The following KAZN variants were observed in gnomAD, a reference collection of about 807,000 sequenced individuals.
The protein encoded by KAZN is kazrin.
KAZN carries 40 observed loss-of-function variants against 87.4 expected under a neutral mutation model. The observed-to-expected ratio is 0.46, with a 90% confidence interval of 0.36 to 0.60. The LOEUF (loss-of-function observed/expected upper bound fraction) is 0.60, where lower values mean the gene tolerates loss of function less well. KAZN is among the 20% of genes least tolerant of loss of function. The probability of loss-of-function intolerance (pLI) is 0.00; values close to 1 mark genes in which losing one functional copy is unlikely to be tolerated. For synonymous variants in KAZN, 466 were observed against 458.3 expected, an observed-to-expected ratio of 1.02 and a Z score of -0.22; for missense variants, 898 against 1,073.9, an observed-to-expected ratio of 0.84 and a Z score of 2.29.
intron 2 of KAZN, among the ~76,000 whole-genome samples, chr1:14,396,873 A>C (rs1288238166): frequency 6.6e-6 from 1 of 150,410 alleles, no homozygotes; most frequent in African/African-American, 2.4e-5. Context: ...TCTTTTTAAG[A>C]CAGATTCCAT....
At chr1:14,396,364 A>G (rs1323967971) in intron 2 of KAZN, among the ~76,000 whole-genome samples, 1 of 151,984 alleles carries the variant, frequency 6.6e-6, no homozygotes, top group Non-Finnish European at 1.5e-5. Flanking sequence ...GCTAGGGCAA[A>G]CCCAAGTCCC....
At chr1:14,833,948 T>C (rs1214276328) in intron 1 of KAZN, among the ~76,000 whole-genome samples, 3 of 150,984 alleles carry the variant, frequency 2.0e-5, no homozygotes, top group Non-Finnish European at 4.4e-5. Flanking sequence ...ACAAAAGGAC[T>C]CTGCTGTCCT....
rs562587777 is a variant in KAZN at position 14,434,928 on chromosome 1, TTGTC to T, written c.250-164052_250-164049del. 2.5e-4 allele frequency among the ~76,000 whole-genome samples: 38 copies of T among 152,180 alleles called. 1 individual carries two copies. Among genetic ancestry groups the T allele is most frequent in the Middle Eastern group, 6.8e-3 (2 of 294 alleles). On this transcript the variant is annotated intron_variant, in intron 2 of 16. Transcript: ENST00000636203. ...TTATCCACTGTGCTGCTGACACACT[TTGTC>T]TGAGGCTCTGTGCAAAGAGGTCTCA...
intron 2 of KAZN, among the ~76,000 whole-genome samples, chr1:14,329,880 A>T (rs1051427742): frequency 1.3e-5 from 2 of 152,234 alleles, no homozygotes; most frequent in African/African-American, 4.8e-5. Flanking sequence ...CACTTCTAGC[A>T]TGTTTTACAA....
At chr1:14,694,282 G>GTGC (rs1641481545) in intron 1 of KAZN, among the ~76,000 whole-genome samples, 1 of 152,264 alleles carries the variant, frequency 6.6e-6, no homozygotes, top group Non-Finnish European at 1.5e-5. Flanking sequence ...ACTGGCCAAG[G>GTGC]AAGGGTCAAT....
chr1:14,189,257 G>T (rs1230577091), intron 2 of KAZN, among the ~76,000 whole-genome samples: 1 of 152,242 alleles, frequency 6.6e-6, no homozygotes, highest in East Asian at 1.9e-4. Context: ...CAGCTTAGTA[G>T]CCCAGAGACT....
chr1:14,282,346 C>T (rs1652904239), intron 2 of KAZN, among the ~76,000 whole-genome samples: 1 of 152,148 alleles, frequency 6.6e-6, no homozygotes, highest in African/African-American at 2.4e-5. Context: ...TGTCTTAGGC[C>T]AGGAAGTCCC....
intron 2 of KAZN, among the ~76,000 whole-genome samples, chr1:14,396,004 C>T (rs1662866303): frequency 6.6e-6 from 1 of 151,728 alleles, no homozygotes; most frequent in South Asian, 2.1e-4. Context: ...CCCATCTCTA[C>T]AAAAAATACA....
chr1:14,517,938 A>G (rs1195822301), intron 2 of KAZN, among the ~76,000 whole-genome samples: 4 of 152,216 alleles, frequency 2.6e-5, no homozygotes, highest in South Asian at 2.1e-4. Flanking sequence ...AGAAGGAAAT[A>G]GAGTACAGGA....
chr1:14,609,211 T>C (rs1020529732), intron 1 of KAZN, among the ~76,000 whole-genome samples: 1 of 152,218 alleles, frequency 6.6e-6, no homozygotes, highest in African/African-American at 2.4e-5. Flanking sequence ...TCAGTGCATC[T>C]TGAGATTTGG....
intron 2 of KAZN, among the ~76,000 whole-genome samples, chr1:14,453,686 A>G (rs1265458277): frequency 1.3e-5 from 2 of 152,124 alleles, no homozygotes; most frequent in Non-Finnish European, 2.9e-5. Flanking sequence ...AAATACAAAA[A>G]TTAGCCAGGT....
chr1:14,422,195 T>C (rs1405820077), intron 2 of KAZN, among the ~76,000 whole-genome samples: 1 of 152,232 alleles, frequency 6.6e-6, no homozygotes, highest in African/African-American at 2.4e-5. Context: ...GTTTTGGCTT[T>C]GGTTGGTGAG....
chr1:14,256,054 A>T (rs762445628), intron 2 of KAZN, among the ~76,000 whole-genome samples: 1 of 152,212 alleles, frequency 6.6e-6, no homozygotes, highest in Non-Finnish European at 1.5e-5. Flanking sequence ...GCTTTCAACA[A>T]GTCCTAAATA....
chr1:15,003,946 G>A (rs2102032881), intron 2 of KAZN, among the ~76,000 whole-genome samples: 1 of 152,250 alleles, frequency 6.6e-6, no homozygotes, highest in East Asian at 1.9e-4. Flanking sequence ...ATAGGTCCTG[G>A]CCTCTGCTGG....
At chr1:14,822,675 G>A (rs6675636) in intron 1 of KAZN, among the ~76,000 whole-genome samples, 34,487 of 152,122 alleles carry the variant, frequency 0.23, 4,553 homozygotes, top group South Asian at 0.4. Context: ...ACATCACAGC[G>A]GGTCCTGACG....
rs72644488 is a variant in KAZN, at chr1:14,331,860, G to A, written c.249+151268G>A. The stretch of plus-strand genomic sequence containing the variant: ...TTGCATTTGTATGCACGCTTTAAAT[G>A]CCTATTTTTAAATGTTAGCTGGCTT... On this transcript the variant is annotated intron_variant, in intron 2 of 16. Coordinates refer to the KAZN transcript ENST00000636203. Among the ~76,000 whole-genome samples, 1,272 of 151,998 alleles carry A rather than the reference G, an allele frequency of 8.4e-3. 9 individuals are homozygous for A. Among genetic ancestry groups the A allele is most frequent in the Non-Finnish European group, 0.015 (1,029 of 67,984 alleles).
intron 1 of KAZN, among the ~76,000 whole-genome samples, chr1:13,971,248 A>G (rs10803443): frequency 0.52 from 79,386 of 152,048 alleles, 21,280 homozygotes; most frequent in East Asian, 0.83. Flanking sequence ...ATTGTAAAAG[A>G]GAGCAAGTGG....
chr1:14,131,212 A>G (rs1175210826), intron 1 of KAZN, among the ~76,000 whole-genome samples: 2 of 152,184 alleles, frequency 1.3e-5, no homozygotes, highest in Admixed American at 6.5e-5. Context: ...ATCTGCTCCC[A>G]TGATTTAATT....
chr1:13,892,974 C>T (rs1329478016), exon 1 of KAZN: 2 of 152,048 alleles, frequency 1.3e-5, no homozygotes, highest in Admixed American at 1.3e-4. Context: ...GAGGATGAGC[C>T]GGAGACGCCT....
Sources: gnomAD v4.1 joint callset for allele counts (sites outside exome capture counted in the v4.1 genomes callset) on GRCh38, gnomAD v4.1.1 for gene constraint, MANE v1.5 for transcripts, NCBI Gene and HGNC (gene_info 2026-07-23, HGNC 2026-07-21) for gene names.